The following PTPN12 variants were observed in gnomAD, a reference collection of about 807,000 sequenced individuals.
The protein encoded by PTPN12 is protein tyrosine phosphatase non-receptor type 12.
Under a neutral mutation model 97.6 loss-of-function variants are expected in PTPN12, and 29 were observed. That is an observed-to-expected ratio of 0.30 (90% CI 0.22 to 0.41). The LOEUF is 0.41. Ranked by LOEUF, PTPN12 falls within the 10% of genes least tolerant of loss-of-function variation. PTPN12 has a pLI of 1.00. For synonymous variants in PTPN12, 327 were observed against 300.4 expected (o/e 1.09, Z -0.91); for missense variants, 819 against 926.0 (o/e 0.88, Z 1.50).
At chr7:77,577,199 A>G (rs1584135573) in intron 2 of PTPN12, among the ~76,000 whole-genome samples, 1 of 152,144 alleles carries the variant, frequency 6.6e-6, no homozygotes, top group African/African-American at 2.4e-5. Flanking sequence ...ATATCTCTTC[A>G]GTACATGTAT....
At chr7:77,537,933 C>CT in intron 1 of PTPN12, 1 of 670,072 alleles carries the variant, frequency 1.5e-6, no homozygotes, top group Non-Finnish European at 1.9e-6. Context: ...TCGCGACCAC[C>CT]TATTGTTTAC....
chr7:77,625,504 TCTCTCTCTCTCTCTCTCTCA>T lies in PTPN12; in HGVS notation c.1026-1195_1026-1176del, dbSNP rs1397447215. Among the ~76,000 whole-genome samples, 4 of 105,142 alleles carry T rather than the reference TCTCTCTCTCTCTCTCTCTCA, an allele frequency of 3.8e-5. 1 individual carries two copies. Among genetic ancestry groups the T allele is most frequent in the African/African-American group, 8.1e-5 (2 of 24,622 alleles). 69.0% of individuals were successfully genotyped at this position (105,142 alleles called of 152,430 possible). A position where few individuals can be genotyped will look rare whatever the true frequency, so the allele number is the denominator to read the frequency against. On this transcript the variant is annotated intron_variant, in intron 12 of 17. Transcript: ENST00000248594. ...CTCTCTCTCTCTCTCTCTCTCTCTC[TCTCTCTCTCTCTCTCTCTCA>T]CTCTCACTCTCACTCGCGCTCTCTC...
intron 9 of PTPN12, among the ~76,000 whole-genome samples, chr7:77,609,902 AAAC>A (rs1275861839): frequency 1.1e-4 from 17 of 150,172 alleles, no homozygotes; most frequent in Non-Finnish European, 1.5e-4. Context: ...AACAAAAAAA[AAAC>A]CCAAAAATCT....
intron 13 of PTPN12, 56 bp from the exon 14 acceptor site, chr7:77,632,292 C>G: frequency 7.8e-7 from 1 of 1,284,372 alleles, no homozygotes; most frequent in East Asian, 2.3e-5. Context: ...AGAAAGCTCT[C>G]TGATTTTGTT....
intron 5 of PTPN12, 98 bp from the exon 6 acceptor site, chr7:77,592,087 G>A (rs774317865): frequency 7.9e-6 from 8 of 1,009,152 alleles, no homozygotes; most frequent in Non-Finnish European, 1.2e-5. Flanking sequence ...CTGTTTTGGG[G>A]AAGTAGAAGT....
intron 11 of PTPN12, among the ~76,000 whole-genome samples, chr7:77,616,394 A>C (rs1788752628): frequency 6.6e-6 from 1 of 152,164 alleles, no homozygotes. Flanking sequence ...TACATTTTGA[A>C]GTTAAAGATA....
At chr7:77,545,888 A>G (rs1318540032) in intron 1 of PTPN12, 2 of 152,096 alleles carry the variant, frequency 1.3e-5, no homozygotes, top group African/African-American at 2.4e-5. Flanking sequence ...CTGTGGTTGT[A>G]CTGTTGAACA....
At chr7:77,554,845 A>C (rs1294695013) in intron 1 of PTPN12, among the ~76,000 whole-genome samples, 1 of 151,852 alleles carries the variant, frequency 6.6e-6, no homozygotes, top group Non-Finnish European at 1.5e-5. Context: ...ATACTCACTT[A>C]AGTTTTTTTT....
chr7:77,557,047 G>T (rs59292880), intron 1 of PTPN12, among the ~76,000 whole-genome samples: 65 of 152,044 alleles, frequency 4.3e-4, no homozygotes, highest in African/African-American at 1.5e-3. Flanking sequence ...GCACACTGCA[G>T]CCTCAACCTC....
chr7:77,562,466 C>G (rs1002319903), intron 1 of PTPN12, among the ~76,000 whole-genome samples: 4 of 152,084 alleles, frequency 2.6e-5, no homozygotes, highest in African/African-American at 9.7e-5. Context: ...CTAAGTGGGA[C>G]TATAATGATT....
chr7:77,633,308 G>C (rs1247135558), intron 14 of PTPN12, among the ~76,000 whole-genome samples: 1 of 151,536 alleles, frequency 6.6e-6, no homozygotes, highest in East Asian at 1.9e-4. Context: ...TTGCAATCTG[G>C]TGTATTTTCA....
chr7:77,579,134 T>C (rs952198260), intron 2 of PTPN12, among the ~76,000 whole-genome samples: 26 of 152,132 alleles, frequency 1.7e-4, no homozygotes, highest in Admixed American at 1.4e-3. Context: ...TTATTATTAT[T>C]ATCTTGAGAT....
In PTPN12 at chr7:77,631,021, GC is replaced by G. The variant is rs146726293; in HGVS notation, c.1997-1326del. Among the ~76,000 whole-genome samples the G allele has an allele frequency of 1.6e-4, 24 of 152,256 alleles. 1 individual carries two copies. The East Asian group carries it at 4.1e-3, about 26-fold the overall frequency. On this transcript the variant is annotated intron_variant, in intron 13 of 17. Coordinates refer to ENST00000248594, the MANE Select transcript of PTPN12 (RefSeq NM_002835.4). ...CTGGAAGATAACTGATAGAAAAAGG[GC>G]TGAACTGCCCTTTTTGTTTTGTTCA...
intron 12 of PTPN12, among the ~76,000 whole-genome samples, chr7:77,625,565 C>CT (rs1179793825): frequency 0.015 from 359 of 24,150 alleles, 105 homozygotes; most frequent in Non-Finnish European, 0.018. Flanking sequence ...CTCTCTCTCT[C>CT]TTTTTTTTTT....
intron 12 of PTPN12, among the ~76,000 whole-genome samples, chr7:77,618,889 G>C (rs1788842042): frequency 6.6e-6 from 1 of 152,030 alleles, no homozygotes; most frequent in Non-Finnish European, 1.5e-5. Context: ...AAATATGCTT[G>C]CCAAAAATTG....
chr7:77,548,994 T>G (rs189180842), intron 1 of PTPN12, among the ~76,000 whole-genome samples: 7 of 152,364 alleles, frequency 4.6e-5, no homozygotes, highest in Non-Finnish European at 8.8e-5. Context: ...ATGTGCTGAA[T>G]AAAGACATCC....
chr7:77,600,140 A>G (rs1412882670), intron 7 of PTPN12, among the ~76,000 whole-genome samples: 2 of 152,184 alleles, frequency 1.3e-5, no homozygotes, highest in African/African-American at 4.8e-5. Flanking sequence ...ACTAATCTGT[A>G]AGAAGACTAG....
At chr7:77,617,650 A>G (rs1051687184) in intron 11 of PTPN12, among the ~76,000 whole-genome samples, 56 of 152,340 alleles carry the variant, frequency 3.7e-4, no homozygotes, top group Non-Finnish European at 2.4e-4. Flanking sequence ...GATGTTGGCA[A>G]GGGTGAAAAT....
intron 1 of PTPN12, among the ~76,000 whole-genome samples, chr7:77,567,129 T>A (rs1808297776): frequency 6.6e-6 from 1 of 151,330 alleles, no homozygotes; most frequent in South Asian, 2.1e-4. Flanking sequence ...TTCTGTTTCA[T>A]AGAGTTTAAA....
Sources: gnomAD v4.1 joint callset for allele counts (sites outside exome capture counted in the v4.1 genomes callset) on GRCh38, gnomAD v4.1.1 for gene constraint, MANE v1.5 for transcripts, NCBI Gene and HGNC (gene_info 2026-07-23, HGNC 2026-07-21) for gene names.